The following FRMD3 variants were observed in gnomAD, a reference collection of about 807,000 sequenced individuals.
FRMD3 encodes FERM domain containing 3.
A neutral mutation model predicts 70.2 loss-of-function variants in FRMD3; 33 were observed. The observed-to-expected ratio is 0.47, with a 90% CI of 0.36 to 0.63. The LOEUF (loss-of-function observed/expected upper bound fraction) is 0.63. Ranked by LOEUF, FRMD3 falls within the 20% of genes least tolerant of loss-of-function variation. The pLI is 0.00. For missense variants in FRMD3, 632 were observed against 711.4 expected (o/e 0.89, Z 1.27); for synonymous variants, 279 against 255.9 (o/e 1.09, Z -0.86).
Position 83,537,467 on chromosome 9 carries a change from C to T in FRMD3, c.147+618G>A, listed in dbSNP as rs1255337433. Among the ~76,000 whole-genome samples the T allele has an allele frequency of 6.6e-6, 1 of 152,224 alleles. No homozygotes were observed. Among genetic ancestry groups the T allele is most frequent in the Non-Finnish European group, 1.5e-5 (1 of 68,034 alleles). On this transcript the variant is annotated intron_variant, in intron 1 of 13. Transcript: ENST00000304195. The surrounding 1 kb of genome is among the most constrained non-coding windows in gnomAD (Gnocchi z 4.1). ...GGTAGCTCCAGTCCGGCGCAGCGCG[C>T]GCTCCATCCCTCAAGGCTGGCGCCC...
At chr9:83,354,451 T>G (rs977216898) in intron 3 of FRMD3, among the ~76,000 whole-genome samples, 8 of 152,126 alleles carry the variant, frequency 5.3e-5, no homozygotes, top group African/African-American at 1.9e-4. Context: ...AGCGAAACAT[T>G]GGGTACTCAT....
chr9:83,438,590 G>C (rs1365629616), intron 1 of FRMD3, among the ~76,000 whole-genome samples: 2 of 152,144 alleles, frequency 1.3e-5, no homozygotes, highest in East Asian at 3.9e-4. Flanking sequence ...AGTAGAGACA[G>C]GGTTTCACCA....
At chr9:83,343,676 G>C (rs1458535402) in intron 4 of FRMD3, among the ~76,000 whole-genome samples, 1 of 152,198 alleles carries the variant, frequency 6.6e-6, no homozygotes, top group Admixed American at 6.5e-5. Context: ...TGTTTCAAAC[G>C]GAGAGCCAGG....
intron 1 of FRMD3, among the ~76,000 whole-genome samples, chr9:83,489,604 A>G (rs563656007): frequency 1.2e-3 from 189 of 152,324 alleles, no homozygotes; most frequent in African/African-American, 3.8e-3. Context: ...AAATCAAAAA[A>G]TAACAGATGC....
intron 1 of FRMD3, among the ~76,000 whole-genome samples, chr9:83,421,529 A>T (rs1826643902): frequency 6.6e-6 from 1 of 152,210 alleles, no homozygotes; most frequent in South Asian, 2.1e-4. Flanking sequence ...CACAGCTCCC[A>T]GAATAGGTCG....
At chr9:83,441,868 C>G (rs1473259023) in intron 1 of FRMD3, among the ~76,000 whole-genome samples, 1 of 134,764 alleles carries the variant, frequency 7.4e-6, no homozygotes, top group African/African-American at 2.7e-5. Flanking sequence ...TTCCTTGAAA[C>G]TGCCAAAAAA....
intron 1 of FRMD3, among the ~76,000 whole-genome samples, chr9:83,479,789 AG>A (rs1564097226): frequency 2.6e-4 from 4 of 15,104 alleles, no homozygotes; most frequent in Non-Finnish European, 6.5e-4. Context: ...GAGGGAGGGA[AG>A]GAAGGAAGGA....
chr9:83,434,808 C>T (rs1451552894), intron 1 of FRMD3, among the ~76,000 whole-genome samples: 6 of 149,814 alleles, frequency 4.0e-5, no homozygotes, highest in African/African-American at 1.5e-4. Flanking sequence ...CTCCCCTCCC[C>T]CACCCCTCTG....
At chr9:83,475,556 G>A (rs1161797693) in intron 1 of FRMD3, among the ~76,000 whole-genome samples, 1 of 152,108 alleles carries the variant, frequency 6.6e-6, no homozygotes, top group Non-Finnish European at 1.5e-5. Context: ...GCTAGACACA[G>A]TTGTTTTAAA....
chr9:83,564,400 T>C, the FRMD3 span, among the ~76,000 whole-genome samples: 1 of 152,210 alleles, frequency 6.6e-6, no homozygotes, highest in African/African-American at 2.4e-5. Context: ...AAGTCACCAA[T>C]GTCAAGGCCA....
At chr9:83,563,173 G>A in the FRMD3 span, among the ~76,000 whole-genome samples, 1 of 151,990 alleles carries the variant, frequency 6.6e-6, no homozygotes, top group African/African-American at 2.4e-5. Context: ...CCAGTTCAGG[G>A]GCTTCCCAAG....
At chr9:83,430,121 A>C (rs189094883) in intron 1 of FRMD3, among the ~76,000 whole-genome samples, 1 of 152,266 alleles carries the variant, frequency 6.6e-6, no homozygotes, top group East Asian at 1.9e-4. Flanking sequence ...ATCATACCTT[A>C]TCCCTAGCCT....
At chr9:83,373,301 A>T (rs1825040042) in intron 2 of FRMD3, among the ~76,000 whole-genome samples, 1 of 152,176 alleles carries the variant, frequency 6.6e-6, no homozygotes. Flanking sequence ...GCATATGGCT[A>T]AAGACTTTTA....
intron 1 of FRMD3, among the ~76,000 whole-genome samples, chr9:83,500,430 T>G (rs1829036695): frequency 6.6e-6 from 1 of 151,998 alleles, no homozygotes. Context: ...TTTAATCATC[T>G]TGAATATCCA....
intron 1 of FRMD3, among the ~76,000 whole-genome samples, chr9:83,491,818 A>T (rs757931079): frequency 3.3e-5 from 5 of 152,200 alleles, no homozygotes; most frequent in Admixed American, 6.5e-5. Flanking sequence ...TGCCTGGAAA[A>T]GTTGTCCTAC....
At chr9:83,380,919 T>C (rs1825333697) in intron 2 of FRMD3, among the ~76,000 whole-genome samples, 1 of 152,132 alleles carries the variant, frequency 6.6e-6, no homozygotes, top group African/African-American at 2.4e-5. Flanking sequence ...AGATCCAAAA[T>C]TTGAGCAATT....
intron 10 of FRMD3, among the ~76,000 whole-genome samples, chr9:83,308,309 A>G (rs1166169959): frequency 1.3e-5 from 2 of 152,160 alleles, no homozygotes; most frequent in African/African-American, 4.8e-5. Flanking sequence ...TTCTCTTTTT[A>G]TCTCCTTTAC....
At chr9:83,441,619 C>T (rs1827297516) in intron 1 of FRMD3, among the ~76,000 whole-genome samples, 1 of 152,138 alleles carries the variant, frequency 6.6e-6, no homozygotes, top group South Asian at 2.1e-4. Context: ...TTTAAAACTC[C>T]TCAATGGACT....
chr9:83,324,480 T>A (rs1835932874), intron 6 of FRMD3, among the ~76,000 whole-genome samples: 1 of 152,180 alleles, frequency 6.6e-6, no homozygotes, highest in South Asian at 2.1e-4. Flanking sequence ...TTGTATATAC[T>A]CTGAAAATGC....
Sources: allele counts gnomAD v4.1 joint callset (sites outside exome capture counted in the v4.1 genomes callset), GRCh38; gene constraint gnomAD v4.1.1; non-coding constraint Gnocchi (gnomAD v3.1); transcripts MANE v1.5; gene names NCBI Gene and HGNC (gene_info 2026-07-23, HGNC 2026-07-21).